The following KHDRBS3 variants were observed in gnomAD, a reference collection of about 807,000 sequenced individuals.
KHDRBS3 encodes the protein KH domain-containing, RNA-binding, signal transduction-associated protein 3.
A neutral mutation model predicts 45.6 loss-of-function variants in KHDRBS3; 23 were observed. That is an observed-to-expected ratio of 0.50 (90% confidence interval 0.36 to 0.72). The LOEUF is 0.72. KHDRBS3 is among the 30% of genes least tolerant of loss of function. The probability of loss-of-function intolerance (pLI) is 0.00; values close to 1 mark genes in which losing one functional copy is unlikely to be tolerated. For missense variants in KHDRBS3, 352 were observed against 424.8 expected, an observed-to-expected ratio of 0.83 and a Z score of 1.51; for synonymous variants, 162 against 156.5, an observed-to-expected ratio of 1.04 and a Z score of -0.26.
intron 6 of KHDRBS3, among the ~76,000 whole-genome samples, chr8:135,582,655 T>G (rs970951619): frequency 6.6e-6 from 1 of 152,232 alleles, no homozygotes; most frequent in Middle Eastern, 3.2e-3. Flanking sequence ...AAGGGAATTC[T>G]TTGATGTCCT....
chr8:135,468,965 C>T (rs1821839569), intron 1 of KHDRBS3, among the ~76,000 whole-genome samples: 1 of 152,136 alleles, frequency 6.6e-6, no homozygotes, highest in African/African-American at 2.4e-5. Flanking sequence ...GGGTATTTTT[C>T]TTGTCATGAT....
At chr8:135,530,507 G>C (rs1465794354) in intron 2 of KHDRBS3, among the ~76,000 whole-genome samples, 3 of 152,172 alleles carry the variant, frequency 2.0e-5, no homozygotes, top group Admixed American at 1.3e-4. Context: ...CATGGTTACA[G>C]AGAAAGAAGT....
intron 5 of KHDRBS3, among the ~76,000 whole-genome samples, chr8:135,579,759 A>T (rs1380061129): frequency 6.6e-6 from 1 of 152,088 alleles, no homozygotes; most frequent in East Asian, 1.9e-4. Context: ...GGCCTTGTTG[A>T]TGTGGTGGGT....
chr8:135,545,677 A>T (rs1826264318), intron 3 of KHDRBS3, among the ~76,000 whole-genome samples: 1 of 151,832 alleles, frequency 6.6e-6, no homozygotes, highest in Admixed American at 6.6e-5. Flanking sequence ...TTTCTCTCTA[A>T]ACTCTTTTCC....
At chr8:135,609,198 G>A (rs1461153097) in intron 7 of KHDRBS3, among the ~76,000 whole-genome samples, 2 of 151,788 alleles carry the variant, frequency 1.3e-5, no homozygotes, top group Admixed American at 6.6e-5. Flanking sequence ...TTTGACTCTT[G>A]TAATAATACT....
chr8:135,501,511 T>C (rs990002447), intron 1 of KHDRBS3, among the ~76,000 whole-genome samples: 27 of 152,218 alleles, frequency 1.8e-4, no homozygotes, highest in South Asian at 6.2e-4. Context: ...GCTTAAGATA[T>C]CTGAATACAT....
At chr8:135,563,468 G>A (rs1827261089) in intron 5 of KHDRBS3, among the ~76,000 whole-genome samples, 1 of 152,208 alleles carries the variant, frequency 6.6e-6, no homozygotes. Context: ...CCAGAAGCTG[G>A]CTCAGAACCC....
chr8:135,538,889 C>T (rs983268192), intron 2 of KHDRBS3: 2 of 151,918 alleles, frequency 1.3e-5, no homozygotes, highest in Admixed American at 6.6e-5. Flanking sequence ...TTGCGAATAC[C>T]GACTATGACT....
chr8:135,479,853 A>G (rs765524181), intron 1 of KHDRBS3, among the ~76,000 whole-genome samples: 1 of 152,224 alleles, frequency 6.6e-6, no homozygotes, highest in Non-Finnish European at 1.5e-5. Context: ...AGAAAAAGAC[A>G]TCACAAGAAA....
intron 1 of KHDRBS3, among the ~76,000 whole-genome samples, chr8:135,475,518 G>A (rs1006674634): frequency 9.9e-5 from 15 of 151,940 alleles, no homozygotes; most frequent in African/African-American, 3.4e-4. Context: ...CACTGTGTTG[G>A]CCAGGCTGAT....
At chr8:135,574,313 C>T (rs1460896087) in intron 5 of KHDRBS3, among the ~76,000 whole-genome samples, 3 of 152,174 alleles carry the variant, frequency 2.0e-5, no homozygotes, top group Admixed American at 2.0e-4. Flanking sequence ...CTTAATACCA[C>T]TCCTGTGGAA....
At chr8:135,597,825 G>T (rs1666604262) in intron 6 of KHDRBS3, among the ~76,000 whole-genome samples, 1 of 151,956 alleles carries the variant, frequency 6.6e-6, no homozygotes, top group Admixed American at 6.6e-5. Flanking sequence ...CTATCTTTGT[G>T]GAATTTCTGG....
At chr8:135,545,692 GT>G (rs1826265457) in intron 3 of KHDRBS3, among the ~76,000 whole-genome samples, 1 of 152,120 alleles carries the variant, frequency 6.6e-6, no homozygotes, top group Non-Finnish European at 1.5e-5. Context: ...TTTTCCACCA[GT>G]TTTGTCTATC....
At chr8:135,545,572 G>T (rs1032478125) in intron 3 of KHDRBS3, among the ~76,000 whole-genome samples, 3 of 152,144 alleles carry the variant, frequency 2.0e-5, no homozygotes, top group South Asian at 2.1e-4. Flanking sequence ...GCACCTGTTT[G>T]TTGGCCCTGT....
chr8:135,512,613 C>T (rs1824360290), intron 1 of KHDRBS3, among the ~76,000 whole-genome samples: 1 of 152,216 alleles, frequency 6.6e-6, no homozygotes, highest in African/African-American at 2.4e-5. Flanking sequence ...TAACTCTTTA[C>T]AAACTCACTA....
intron 5 of KHDRBS3, among the ~76,000 whole-genome samples, chr8:135,558,616 G>A (rs530536079): frequency 3.3e-4 from 50 of 152,184 alleles, no homozygotes; most frequent in Admixed American, 5.2e-4. Flanking sequence ...AATAGTAATA[G>A]GGTTGCTATT....
chr8:135,616,447 C>A (rs1245311917), intron 7 of KHDRBS3, among the ~76,000 whole-genome samples: 2 of 152,178 alleles, frequency 1.3e-5, no homozygotes, highest in African/African-American at 4.8e-5. Context: ...GGCAATAAAT[C>A]AATTGCCACT....
chr8:135,600,762 C>T (rs1360510637), intron 6 of KHDRBS3, among the ~76,000 whole-genome samples: 1 of 152,208 alleles, frequency 6.6e-6, no homozygotes, highest in Non-Finnish European at 1.5e-5. Context: ...CTTGGCCCTG[C>T]ACAGCCTTGG....
At position 135,457,924 on chromosome 8, in the gene KHDRBS3, T is replaced by C. The variant is rs1821196565; in HGVS notation, c.58T>C (p.Phe20Leu). Residue 20 changes from phenylalanine to leucine, a missense_variant, in exon 1 of 9, where the codon TTC becomes CTC. Phe to Leu is a conservative substitution (Grantham distance 22, BLOSUM62 0). Transcript: ENST00000355849. This position sits in a 1 kb window ranked among gnomAD's most constrained non-coding sequence, Gnocchi z 4.4. ...GGAGAAGGACTCCCTGGACCCCTCCTTCACGCACGCCCTGCGCCTGGTGAA... is the reference window on the plus strand; with the variant it reads ...GGAGAAGGACTCCCTGGACCCCTCCCTCACGCACGCCCTGCGCCTGGTGAA... ...MAEKDSLDPS[F>L]THALRLVNQE... is the part of the protein sequence containing the mutation. 2 of 1,602,934 alleles carry C rather than the reference T, an allele frequency of 1.2e-6. No individual in the cohort carries two copies. The highest frequency in any genetic ancestry group is 2.7e-5 in the African/African-American group (2 of 74,042).
Sources: gnomAD v4.1 joint callset for allele counts (sites outside exome capture counted in the v4.1 genomes callset) on GRCh38, gnomAD v4.1.1 for gene constraint, Gnocchi (gnomAD v3.1) non-coding constraint, MANE v1.5 for transcripts, NCBI Gene and HGNC (gene_info 2026-07-23, HGNC 2026-07-21) for gene names.